The following KCNQ3 variants were observed in gnomAD, a reference collection of about 807,000 sequenced individuals.
KCNQ3 encodes potassium voltage-gated channel subfamily Q member 3.
A neutral mutation model predicts 92.5 loss-of-function variants in KCNQ3; 30 were observed. That is an observed-to-expected ratio of 0.32 (90% CI 0.24 to 0.44). The LOEUF (loss-of-function observed/expected upper bound fraction) is 0.44, where lower values mean the gene tolerates loss of function less well. KCNQ3 is among the 20% of genes least tolerant of loss of function. The pLI is 1.00. For synonymous variants in KCNQ3, 450 were observed against 468.8 expected, an observed-to-expected ratio of 0.96 and a Z score of 0.52; for missense variants, 913 against 1,140.3, an observed-to-expected ratio of 0.80 and a Z score of 2.87.
intron 1 of KCNQ3, among the ~76,000 whole-genome samples, chr8:132,344,120 A>G: frequency 6.6e-6 from 1 of 152,198 alleles, no homozygotes; most frequent in East Asian, 1.9e-4. Flanking sequence ...GGAGATATCT[A>G]AGGAGGAAAA....
At position 132,233,853 on chromosome 8, in the gene KCNQ3, G is replaced by C. The variant is rs537285272; in HGVS notation, c.387-47672C>G. Among the ~76,000 whole-genome samples the C allele has an allele frequency of 9.2e-5, 14 of 151,480 alleles. 1 individual carries two copies. The South Asian group carries it at 2.9e-3, about 32-fold the overall frequency. ...CTTTAAATTCTGAAGGTGGAGAAGC[G>C]GGCAAAAAAAAATATTCAAAGCTCT... On this transcript the variant is annotated intron_variant, in intron 1 of 14. Transcript: ENST00000388996.
In KCNQ3 at chr8:132,125,843, A is replaced by T. The variant is rs868786959; in HGVS notation, c.*3419T>A. 4 of 152,338 alleles carry T rather than the reference A, an allele frequency of 2.6e-5. No individual in the cohort carries two copies. The South Asian group carries it at 8.3e-4, about 32-fold the overall frequency. The allele number at this position is 152,338 out of a possible 1,614,324, so 9.4% of individuals were successfully genotyped here. On this transcript the variant is annotated 3_prime_UTR_variant, in exon 15 of 15. Coordinates refer to ENST00000388996, the MANE Select transcript of KCNQ3 (RefSeq NM_004519.4). ...AGCCTAAATTTCCAGTTCTAAAAACAAAGTTATTCAACAACACTTTCTCAA... is the reference window on the plus strand; with the variant it reads ...AGCCTAAATTTCCAGTTCTAAAAACTAAGTTATTCAACAACACTTTCTCAA...
intron 1 of KCNQ3, among the ~76,000 whole-genome samples, chr8:132,382,199 C>G (rs1819769221): frequency 6.6e-6 from 1 of 152,168 alleles, no homozygotes; most frequent in African/African-American, 2.4e-5. Flanking sequence ...CCTTCCAAAT[C>G]TTATGTTGAA....
At chr8:132,217,459 C>A (rs564480615) in intron 1 of KCNQ3, among the ~76,000 whole-genome samples, 3 of 152,072 alleles carry the variant, frequency 2.0e-5, no homozygotes, top group Admixed American at 6.5e-5. Context: ...GCCTGTAATC[C>A]CAGCACTTTG....
At chr8:132,239,039 G>T (rs1393153998) in intron 1 of KCNQ3, among the ~76,000 whole-genome samples, 3 of 152,152 alleles carry the variant, frequency 2.0e-5, no homozygotes, top group Admixed American at 2.0e-4. Context: ...TTAATTGATG[G>T]ACCCAAAGTC....
rs976663332 is a variant in KCNQ3, at chr8:132,122,618, G to A, written c.*6644C>T. ...GTGCTATCTGGAGGATGAAGGCTTA[G>A]GTAGAATGACAATCTTTAAAATTAC... On this transcript the variant is annotated 3_prime_UTR_variant, in exon 15 of 15. Transcript: ENST00000388996. 1 of 152,178 alleles carries A rather than the reference G, an allele frequency of 6.6e-6. No homozygotes were observed. The highest frequency in any genetic ancestry group is 1.5e-5 in the Non-Finnish European group (1 of 68,040). 9.4% of individuals were successfully genotyped at this position (152,178 alleles called of 1,614,324 possible).
At chr8:132,444,731 G>A (rs1338150674) in intron 1 of KCNQ3, among the ~76,000 whole-genome samples, 1 of 152,204 alleles carries the variant, frequency 6.6e-6, no homozygotes, top group Non-Finnish European at 1.5e-5. Context: ...TGAGCTGCAG[G>A]ATGGCAGATT....
At chr8:132,356,690 C>T (rs1174903710) in intron 1 of KCNQ3, among the ~76,000 whole-genome samples, 1 of 152,150 alleles carries the variant, frequency 6.6e-6, no homozygotes, top group South Asian at 2.1e-4. Context: ...CTTTACAACC[C>T]AGAGGGAAAG....
intron 1 of KCNQ3, among the ~76,000 whole-genome samples, chr8:132,206,863 T>C (rs1813676421): frequency 6.6e-6 from 1 of 152,196 alleles, no homozygotes; most frequent in African/African-American, 2.4e-5. Context: ...ATTCTTATTA[T>C]TTCTTTCCTT....
intron 1 of KCNQ3, among the ~76,000 whole-genome samples, chr8:132,190,481 C>T (rs910789538): frequency 6.6e-6 from 1 of 152,132 alleles, no homozygotes; most frequent in South Asian, 2.1e-4. Flanking sequence ...ATGTGAGCTG[C>T]TGTTTTGAAA....
At position 132,229,766 on chromosome 8, in the gene KCNQ3, AAAT is replaced by A. The variant is rs149124747; in HGVS notation, c.387-43588_387-43586del. On this transcript the variant is annotated intron_variant, in intron 1 of 14. Transcript: ENST00000388996. ...TTCCAAGAGGCATGTTCTTGTCAAT[AAAT>A]ACACTAAGCAAGGGAGCAACTACAG... Among the ~76,000 whole-genome samples the A allele has an allele frequency of 3.8e-3, 576 of 152,232 alleles. 7 individuals are homozygous for A. The highest frequency in any genetic ancestry group is 0.013 in the African/African-American group (557 of 41,562).
At chr8:132,175,317 G>T in intron 5 of KCNQ3, 136 bp downstream of exon 5, 1 of 955,946 alleles carries the variant, frequency 1.0e-6, no homozygotes, top group Non-Finnish European at 1.7e-6. Context: ...CAGGTTCTGA[G>T]CTGAAATTGG....
intron 13 of KCNQ3, among the ~76,000 whole-genome samples, chr8:132,133,186 G>C (rs371013701): frequency 1.3e-5 from 2 of 152,022 alleles, no homozygotes; most frequent in Non-Finnish European, 2.9e-5. Context: ...AAAGAAGGTA[G>C]GGCGCTCATT....
Position 132,122,131 on chromosome 8 carries a change from C to T in KCNQ3, c.*7131G>A, listed in dbSNP as rs75865310. Reference sequence around the variant, plus strand: ...AGAGAGAATGAGCTTTCCAGGTACACGGGCTTTGGTTGAATATGCAGCTCT... The same window carrying T: ...AGAGAGAATGAGCTTTCCAGGTACATGGGCTTTGGTTGAATATGCAGCTCT... On this transcript the variant is annotated 3_prime_UTR_variant, in exon 15 of 15. Transcript: ENST00000388996. 0.053 allele frequency: 8,008 copies of T among 152,288 alleles called. 273 individuals carry two copies. The highest frequency in any genetic ancestry group is 0.079 in the Non-Finnish European group (5,351 of 68,044). 9.4% of individuals were successfully genotyped at this position (152,288 alleles called of 1,614,324 possible).
At chr8:132,220,346 A>T (rs1208307270) in intron 1 of KCNQ3, among the ~76,000 whole-genome samples, 1 of 152,234 alleles carries the variant, frequency 6.6e-6, no homozygotes, top group Non-Finnish European at 1.5e-5. Context: ...TTAAGGCATC[A>T]TGGCCAACTT....
chr8:132,225,964 T>G (rs563143571), intron 1 of KCNQ3, among the ~76,000 whole-genome samples: 1 of 152,292 alleles, frequency 6.6e-6, no homozygotes, highest in Admixed American at 6.5e-5. Context: ...TGCATTCTTA[T>G]TCTAAAAATA....
At chr8:132,391,469 T>G (rs1820045646) in intron 1 of KCNQ3, among the ~76,000 whole-genome samples, 1 of 151,870 alleles carries the variant, frequency 6.6e-6, no homozygotes, top group African/African-American at 2.4e-5. Context: ...TAACAAATGC[T>G]TTACGCCTCT....
At chr8:132,295,922 G>T (rs1393155277) in intron 1 of KCNQ3, among the ~76,000 whole-genome samples, 1 of 152,054 alleles carries the variant, frequency 6.6e-6, no homozygotes, top group Non-Finnish European at 1.5e-5. Context: ...AATAGCTAAT[G>T]CACACGGGGC....
chr8:132,250,256 T>C (rs1815359710), intron 1 of KCNQ3, among the ~76,000 whole-genome samples: 1 of 152,120 alleles, frequency 6.6e-6, no homozygotes. Flanking sequence ...TGACAGAGAA[T>C]GGAGACTACA....
Sources: allele counts gnomAD v4.1 joint callset (sites outside exome capture counted in the v4.1 genomes callset), GRCh38; gene constraint gnomAD v4.1.1; transcripts MANE v1.5; gene names NCBI Gene and HGNC (gene_info 2026-07-23, HGNC 2026-07-21).